QSER1: variants seen among roughly 807,000 people sequenced by gnomAD.
QSER1 encodes glutamine and serine-rich protein 1.
QSER1 carries 49 observed loss-of-function variants against 158.5 expected under a neutral mutation model. That is an observed-to-expected ratio of 0.31 (90% confidence interval 0.25 to 0.39). The LOEUF is 0.39. Ranked by LOEUF, QSER1 falls within the 10% of genes least tolerant of loss-of-function variation. QSER1 has a pLI of 1.00. For missense variants in QSER1, 1,754 were observed against 2,010.3 expected (o/e 0.87, Z 2.44); for synonymous variants, 650 against 715.5 (o/e 0.91, Z 1.46).
Position 32,931,637 on chromosome 11 carries a change from G to A in QSER1, c.485-106G>A. Reference sequence around the variant, plus strand: ...CAGAACTAACTGGTCAGGTTTTTCAGTCTTAAGACATTTTGATGAGTTGAG... The same window carrying A: ...CAGAACTAACTGGTCAGGTTTTTCAATCTTAAGACATTTTGATGAGTTGAG... On this transcript the variant is annotated intron_variant, in intron 3 of 12. Transcript: ENST00000650167. 3 of 871,912 alleles carry A rather than the reference G, an allele frequency of 3.4e-6. No homozygotes were observed. In the South Asian group the frequency reaches 5.4e-5, roughly 16 times the overall value. 54.0% of individuals were successfully genotyped at this position (871,912 alleles called of 1,614,324 possible). A position where few individuals can be genotyped will look rare whatever the true frequency, so the allele number is the denominator to read the frequency against.
At chr11:32,943,053 G>A (rs887806204) in intron 4 of QSER1, among the ~76,000 whole-genome samples, 11 of 150,732 alleles carry the variant, frequency 7.3e-5, no homozygotes, top group Admixed American at 6.0e-4. Context: ...TTGGTGTATA[G>A]GAATGCTTGT....
At chr11:32,957,728 A>T (rs1852545043) in intron 7 of QSER1, 141 bp from the exon 8 acceptor site, 1 of 690,908 alleles carries the variant, frequency 1.4e-6, no homozygotes, top group Non-Finnish European at 2.4e-6. Flanking sequence ...TGAGATGTAT[A>T]TAGGACTTGG....
chr11:32,958,117 A>T (rs774102570), intron 8 of QSER1, 31 bp downstream of exon 8: 11 of 1,537,572 alleles, frequency 7.2e-6, no homozygotes. Context: ...CTACCCTGAT[A>T]ACTTTAGATT....
chr11:32,961,106 T>G (rs1195294804), intron 8 of QSER1, among the ~76,000 whole-genome samples: 1 of 152,192 alleles, frequency 6.6e-6, no homozygotes. Context: ...CTAACAGTAT[T>G]TAGTGAGATA....
chr11:32,910,803 C>A (rs566637153), intron 1 of QSER1, among the ~76,000 whole-genome samples: 1 of 152,160 alleles, frequency 6.6e-6, no homozygotes, highest in Non-Finnish European at 1.5e-5. Flanking sequence ...TTAGGATTTA[C>A]AAGCACTTTC....
chr11:32,927,583 T>A (rs1185572583), intron 2 of QSER1, among the ~76,000 whole-genome samples: 1 of 151,978 alleles, frequency 6.6e-6, no homozygotes. Context: ...AATTTTTGTA[T>A]TTTTTAGTAG....
chr11:32,908,321 A>G (rs1418599543), intron 1 of QSER1, among the ~76,000 whole-genome samples: 1 of 152,176 alleles, frequency 6.6e-6, no homozygotes, highest in Non-Finnish European at 1.5e-5. Flanking sequence ...TCACCATCAC[A>G]TTTCATTATT....
intron 6 of QSER1, 55 bp from the exon 7 acceptor site, chr11:32,955,933 T>C: frequency 6.7e-7 from 1 of 1,499,968 alleles, no homozygotes; most frequent in Non-Finnish European, 9.1e-7. Context: ...ACAAACAAAG[T>C]AGCATTTGTA....
chr11:32,918,328 G>A (rs541568398), intron 1 of QSER1, among the ~76,000 whole-genome samples: 17 of 152,206 alleles, frequency 1.1e-4, no homozygotes, highest in African/African-American at 4.1e-4. Flanking sequence ...ATAGTATGTT[G>A]AGTGTTTATT....
rs10835990 is a variant in QSER1, at chr11:32,898,589, T to C, written c.209+5255T>C. ...GACCAATTTTTTTTAATTTATTTTCTTTTTTATTTTTTCTTGAGACAGGGT... is the reference window on the plus strand; with the variant it reads ...GACCAATTTTTTTTAATTTATTTTCCTTTTTATTTTTTCTTGAGACAGGGT... On this transcript the variant is annotated intron_variant, in intron 1 of 12. Transcript: ENST00000650167. 7.0e-3 allele frequency among the ~76,000 whole-genome samples: 1,069 copies of C among 152,252 alleles called. 8 individuals carry two copies. Among genetic ancestry groups the C allele is most frequent in the Non-Finnish European group, 0.013 (876 of 68,016 alleles).
intron 5 of QSER1, 74 bp downstream of exon 5, chr11:32,954,253 A>G: frequency 6.7e-7 from 1 of 1,498,566 alleles, no homozygotes; most frequent in Non-Finnish European, 8.9e-7. Context: ...TTATGACTTC[A>G]ATAGCATGCA....
chr11:32,950,119 G>A (rs894576406), intron 4 of QSER1, among the ~76,000 whole-genome samples: 1 of 151,916 alleles, frequency 6.6e-6, no homozygotes, highest in South Asian at 2.1e-4. Flanking sequence ...TTTTGAGAGG[G>A]AGTCTTGCTC....
chr11:32,955,195 T>G, intron 5 of QSER1, 101 bp from the exon 6 acceptor site: 5 of 638,184 alleles, frequency 7.8e-6, no homozygotes, highest in Admixed American at 3.6e-5. Context: ...GATAAAAGGT[T>G]GAGCTAGGGT....
intron 12 of QSER1, 21 bp from the exon 13 acceptor site, chr11:32,976,313 T>A: frequency 6.4e-7 from 1 of 1,570,594 alleles, no homozygotes; most frequent in Non-Finnish European, 8.6e-7. Flanking sequence ...ATAAGCTAAT[T>A]TGGCGATTTT....
intron 4 of QSER1, among the ~76,000 whole-genome samples, chr11:32,938,313 C>G (rs1208823109): frequency 1.3e-5 from 2 of 152,106 alleles, no homozygotes; most frequent in African/African-American, 4.8e-5. Flanking sequence ...TTTGTATTTG[C>G]AAGACCTGAA....
At chr11:32,922,826 T>C (rs182900092) in intron 1 of QSER1, among the ~76,000 whole-genome samples, 1 of 151,706 alleles carries the variant, frequency 6.6e-6, no homozygotes, top group East Asian at 1.9e-4. Context: ...TAACAATACC[T>C]AGGGCCCATA....
chr11:32,904,539 G>A (rs1851666868), intron 1 of QSER1, among the ~76,000 whole-genome samples: 1 of 151,576 alleles, frequency 6.6e-6, no homozygotes, highest in Non-Finnish European at 1.5e-5. Flanking sequence ...ATATGTGTAT[G>A]GATGCTGTAT....
intron 4 of QSER1, among the ~76,000 whole-genome samples, chr11:32,944,191 T>G (rs1852289683): frequency 1.3e-5 from 2 of 151,938 alleles, no homozygotes; most frequent in Admixed American, 1.3e-4. Context: ...AACCAGCTCC[T>G]GGATTCATTA....
At chr11:32,943,914 C>G (rs1372696878) in intron 4 of QSER1, among the ~76,000 whole-genome samples, 2 of 150,996 alleles carry the variant, frequency 1.3e-5, no homozygotes, top group South Asian at 2.1e-4. Flanking sequence ...AATTTCAGAT[C>G]CTGTTATTGG....
Sources: gnomAD v4.1 joint callset for allele counts (sites outside exome capture counted in the v4.1 genomes callset) on GRCh38, gnomAD v4.1.1 for gene constraint, MANE v1.5 for transcripts, NCBI Gene and HGNC (gene_info 2026-07-23, HGNC 2026-07-21) for gene names.